The following SCAPER variants were observed in gnomAD, a reference collection of about 807,000 sequenced individuals.
The protein encoded by SCAPER is S phase cyclin A-associated protein in the endoplasmic reticulum.
In SCAPER, 98 loss-of-function variants were observed where a neutral mutation model predicts 182.2. The ratio of observed to expected loss-of-function variants is 0.54; its 90% CI spans 0.46 to 0.64. The LOEUF is 0.64. Ranked by LOEUF, SCAPER falls within the 30% of genes least tolerant of loss-of-function variation. SCAPER has a pLI of 0.00. For synonymous variants in SCAPER, 605 were observed against 564.6 expected (o/e 1.07, Z -1.01); for missense variants, 1,432 against 1,690.0 (o/e 0.85, Z 2.68).
rs564809227 is a variant in SCAPER, at chr15:76,691,775, C to G, written c.2508+9983G>C. 4.6e-5 allele frequency among the ~76,000 whole-genome samples: 7 copies of G among 152,232 alleles called. No homozygotes were observed. The South Asian group carries it at 1.5e-3, about 32-fold the overall frequency. ...TGTTATTCTATGAATAGTTTACATA[C>G]ATCCTAGACACTCTTCTGTACACAT... On this transcript the variant is annotated intron_variant, in intron 20 of 31. Transcript: ENST00000563290.
Position 76,857,793 on chromosome 15 carries a change from G to A in SCAPER, c.195+16C>T. 6.8e-7 allele frequency: 1 copy of A among 1,467,970 alleles called. No individual in the cohort carries two copies. Among genetic ancestry groups the A allele is most frequent in the Non-Finnish European group, 9.1e-7 (1 of 1,094,392 alleles). 90.9% of individuals were successfully genotyped at this position (1,467,970 alleles called of 1,614,324 possible). A position where few individuals can be genotyped will look rare whatever the true frequency, so the allele number is the denominator to read the frequency against. ...AAATTAAAAGTAAATAAGTAAAAAA[G>A]TTATAGATGCTGTACCTGTTTAGTA... On this transcript the variant is annotated intron_variant, in intron 4 of 31. Transcript: ENST00000563290.
intron 23 of SCAPER, among the ~76,000 whole-genome samples, chr15:76,515,079 G>T (rs2042314886): frequency 6.6e-6 from 1 of 152,188 alleles, no homozygotes; most frequent in Admixed American, 6.5e-5. Flanking sequence ...GCCAAAAACA[G>T]TAAAATTATA....
At chr15:76,726,717 C>T (rs986714142) in intron 17 of SCAPER, among the ~76,000 whole-genome samples, 1 of 152,014 alleles carries the variant, frequency 6.6e-6, no homozygotes, top group Admixed American at 6.6e-5. Flanking sequence ...AACTTGAAGA[C>T]ATTAGGATAA....
intron 25 of SCAPER, among the ~76,000 whole-genome samples, chr15:76,461,769 T>C (rs745693581): frequency 7.2e-5 from 11 of 152,176 alleles, no homozygotes; most frequent in African/African-American, 2.7e-4. Flanking sequence ...GCACATCTTC[T>C]TTCTCTTTAT....
intron 22 of SCAPER, among the ~76,000 whole-genome samples, chr15:76,584,749 G>T (rs1597509371): frequency 1.3e-5 from 2 of 152,154 alleles, no homozygotes; most frequent in East Asian, 3.9e-4. Context: ...ACAGGGTCTT[G>T]CTATGTTGCC....
intron 28 of SCAPER, chr15:76,380,104 A>G (rs1048313914): frequency 6.6e-6 from 1 of 152,206 alleles, no homozygotes; most frequent in Non-Finnish European, 1.5e-5. Flanking sequence ...CTGAGCATGT[A>G]AAGTTAAGGT....
At chr15:76,852,277 C>T (rs1484163086) in intron 4 of SCAPER, among the ~76,000 whole-genome samples, 3 of 152,154 alleles carry the variant, frequency 2.0e-5, no homozygotes, top group East Asian at 3.9e-4. Context: ...AGTGTTAGAT[C>T]GTCAAGACAG....
chr15:76,772,905 C>T (rs2063547871), intron 9 of SCAPER, among the ~76,000 whole-genome samples: 1 of 151,728 alleles, frequency 6.6e-6, no homozygotes, highest in South Asian at 2.1e-4. Context: ...GGCCATAAAC[C>T]TCCCCCCAGT....
chr15:76,902,701 C>G (rs2074853986), intron 1 of SCAPER, among the ~76,000 whole-genome samples: 1 of 152,138 alleles, frequency 6.6e-6, no homozygotes, highest in Non-Finnish European at 1.5e-5. Context: ...AAATAACATT[C>G]ACATGTGATT....
intron 26 of SCAPER, among the ~76,000 whole-genome samples, chr15:76,431,634 T>G (rs1356061768): frequency 8.0e-6 from 1 of 124,562 alleles, no homozygotes; most frequent in Non-Finnish European, 1.6e-5. Context: ...TCTTGTCAGT[T>G]CATATCTGGG....
At chr15:76,559,371 T>C (rs1014479398) in intron 23 of SCAPER, among the ~76,000 whole-genome samples, 1 of 151,956 alleles carries the variant, frequency 6.6e-6, no homozygotes, top group East Asian at 1.9e-4. Flanking sequence ...CTGATGGTTT[T>C]ATAAGGGGCT....
chr15:76,441,192 A>G (rs113645077), intron 25 of SCAPER, among the ~76,000 whole-genome samples: 26,100 of 151,878 alleles, frequency 0.17, 2,716 homozygotes, highest in Middle Eastern at 0.26. Context: ...AAGTGCTGGG[A>G]TTACAGGTGT....
chr15:76,721,046 T>G lies in SCAPER; in HGVS notation c.2165+7549A>C, dbSNP rs956095748. ...AATGCCTAGGTTTTCTTCTAGGGTT[T>G]TTATGGTTTTAGGTCTAACCTTTAA... On this transcript the variant is annotated intron_variant, in intron 17 of 31. Coordinates refer to ENST00000563290, the MANE Select transcript of SCAPER (RefSeq NM_020843.4). 7.1e-3 allele frequency among the ~76,000 whole-genome samples: 1,089 copies of G among 152,330 alleles called. 11 individuals are homozygous for G. Among genetic ancestry groups the G allele is most frequent in the African/African-American group, 0.025 (1,044 of 41,566 alleles).
intron 20 of SCAPER, among the ~76,000 whole-genome samples, chr15:76,680,411 G>GATGATGATAATAATAATA (rs1032738002): frequency 1.4e-5 from 2 of 142,592 alleles, no homozygotes; most frequent in African/African-American, 5.2e-5. Context: ...TGATGATGAT[G>GATGATGATAATAATAATA]ATAATAATAA....
At chr15:76,499,116 T>C (rs997877238) in intron 24 of SCAPER, among the ~76,000 whole-genome samples, 1 of 152,212 alleles carries the variant, frequency 6.6e-6, no homozygotes. Flanking sequence ...TAGCATACTC[T>C]TTGGCCTTTT....
At chr15:76,486,106 C>T (rs1367218610) in intron 24 of SCAPER, among the ~76,000 whole-genome samples, 2 of 152,046 alleles carry the variant, frequency 1.3e-5, no homozygotes, top group Non-Finnish European at 2.9e-5. Context: ...ACTTGTGAGG[C>T]TGAGGCAGGA....
intron 5 of SCAPER, among the ~76,000 whole-genome samples, chr15:76,836,737 G>A (rs1281921452): frequency 2.0e-5 from 3 of 152,040 alleles, no homozygotes; most frequent in Admixed American, 6.6e-5. Context: ...AGCCGGGCGT[G>A]GTGGCAGGCA....
intron 4 of SCAPER, among the ~76,000 whole-genome samples, chr15:76,848,751 T>A (rs1301743298): frequency 6.6e-6 from 1 of 152,232 alleles, no homozygotes; most frequent in Non-Finnish European, 1.5e-5. Flanking sequence ...TTTTAAAATA[T>A]AAAATGTACT....
chr15:76,613,010 T>A (rs548874338), intron 22 of SCAPER, among the ~76,000 whole-genome samples: 1 of 152,318 alleles, frequency 6.6e-6, no homozygotes, highest in Admixed American at 6.5e-5. Context: ...TCAAGCTACC[T>A]GACTTCAAAC....
Sources: gnomAD v4.1 joint callset for allele counts (sites outside exome capture counted in the v4.1 genomes callset) on GRCh38, gnomAD v4.1.1 for gene constraint, MANE v1.5 for transcripts, NCBI Gene and HGNC (gene_info 2026-07-23, HGNC 2026-07-21) for gene names.